RWDD1: variants seen among roughly 807,000 people sequenced by gnomAD.
RWDD1 encodes RWD domain containing 1.
RWDD1 carries 17 observed loss-of-function variants against 31.6 expected under a neutral mutation model. That is an observed-to-expected ratio of 0.54 (90% confidence interval 0.37 to 0.81). The LOEUF is 0.81. Ranked by LOEUF, RWDD1 falls within the 30% of genes least tolerant of loss-of-function variation. RWDD1 has a pLI of 0.00. For missense variants in RWDD1, 204 were observed against 274.5 expected, an observed-to-expected ratio of 0.74 and a Z score of 1.82; for synonymous variants, 78 against 94.2, an observed-to-expected ratio of 0.83 and a Z score of 0.99.
chr6:116,574,747 C>T (rs1364995870), intron 1 of RWDD1, among the ~76,000 whole-genome samples: 1 of 147,168 alleles, frequency 6.8e-6, no homozygotes, highest in Non-Finnish European at 1.5e-5. Flanking sequence ...TTCCTTCCAC[C>T]TCCCCTCCCC....
chr6:116,577,183 A>G (rs1774861682), intron 1 of RWDD1, among the ~76,000 whole-genome samples: 1 of 152,216 alleles, frequency 6.6e-6, no homozygotes, highest in Non-Finnish European at 1.5e-5. Flanking sequence ...GCAGGTAACA[A>G]TGTGATAAAA....
intron 5 of RWDD1, 67 bp downstream of exon 5, chr6:116,590,471 A>T: frequency 3.4e-6 from 5 of 1,483,470 alleles, no homozygotes; most frequent in Non-Finnish European, 4.5e-6. Flanking sequence ...TAGCAAGAGG[A>T]TCATTTGGTC....
At chr6:116,587,491 G>A (rs1448337465) in intron 3 of RWDD1, among the ~76,000 whole-genome samples, 2 of 152,076 alleles carry the variant, frequency 1.3e-5, no homozygotes, top group African/African-American at 4.8e-5. Context: ...GGTGATAAGT[G>A]GTGTAACTAA....
intron 2 of RWDD1, 124 bp downstream of exon 2, chr6:116,580,484 A>C: frequency 1.9e-6 from 1 of 517,900 alleles, no homozygotes; most frequent in East Asian, 3.2e-5. Flanking sequence ...TCTGCTATGA[A>C]TGTTGTATAT....
In RWDD1 at chr6:116,571,592, T is replaced by A. The variant is rs751392940; in HGVS notation, c.10T>A (p.Tyr4Asn). 11 of 1,613,466 alleles carry A rather than the reference T, an allele frequency of 6.8e-6. No homozygotes were observed. In the Admixed American group the frequency reaches 1.7e-4, roughly 24 times the overall value. MTD[Y>N]GEEQRNELEA... Reference sequence around the variant, plus strand: ...AAGAGCAAGGGCCACGATGACAGATTACGGCGAGGAGCAGCGCAACGAGCT... The same window carrying A: ...AAGAGCAAGGGCCACGATGACAGATAACGGCGAGGAGCAGCGCAACGAGCT... Residue 4 changes from tyrosine to asparagine, a missense_variant, in exon 1 of 7, where the codon TAC (tyrosine) becomes AAC (asparagine). Tyr to Asn is a moderately radical substitution (Grantham distance 143, BLOSUM62 -2). Transcript: ENST00000466444.
At chr6:116,583,110 AAGGACTAC>A (rs1243671598) in intron 2 of RWDD1, among the ~76,000 whole-genome samples, 6 of 151,852 alleles carry the variant, frequency 4.0e-5, no homozygotes, top group African/African-American at 1.5e-4. Context: ...CCCAGATAGC[AAGGACTAC>A]AGGCACATGC....
At chr6:116,588,377 C>G (rs530794673) in intron 3 of RWDD1, among the ~76,000 whole-genome samples, 6 of 151,664 alleles carry the variant, frequency 4.0e-5, no homozygotes, top group Non-Finnish European at 7.4e-5. Flanking sequence ...TTCATGAGTT[C>G]GAGATTTTTT....
At chr6:116,580,218 T>G in intron 1 of RWDD1, 77 bp from the exon 2 acceptor site, 1 of 966,220 alleles carries the variant, frequency 1.0e-6, no homozygotes, top group Non-Finnish European at 1.6e-6. Context: ...TAGGACTGGG[T>G]ACTGATAATT....
At chr6:116,587,563 T>G (rs1583334906) in intron 3 of RWDD1, among the ~76,000 whole-genome samples, 2 of 152,126 alleles carry the variant, frequency 1.3e-5, no homozygotes, top group Non-Finnish European at 2.9e-5. Flanking sequence ...TTGGTCCTGA[T>G]TGGTTTGCGA....
chr6:116,584,521 G>A (rs1251885225), intron 2 of RWDD1, among the ~76,000 whole-genome samples: 1 of 152,210 alleles, frequency 6.6e-6, no homozygotes, highest in African/African-American at 2.4e-5. Context: ...TGCTTCACGT[G>A]TAAGTGTGAT....
rs747539930 is a variant in RWDD1 at position 116,594,504 on chromosome 6, A to G, written c.*1403A>G. The stretch of plus-strand genomic sequence containing the variant: ...GTTCTACAGATTATTCTGATGCACA[A>G]TCTGGGTTAAGAACCACTGTCCTGT... On this transcript the variant is annotated 3_prime_UTR_variant, in exon 7 of 7. Coordinates refer to ENST00000466444, the MANE Select transcript of RWDD1 (RefSeq NM_015952.4). The G allele has an allele frequency of 1.3e-5, 2 of 152,174 alleles. No homozygotes were observed. The highest frequency in any genetic ancestry group is 2.4e-5 in the African/African-American group (1 of 41,432). 9.4% of individuals were successfully genotyped at this position (152,174 alleles called of 1,614,324 possible).
At chr6:116,583,283 C>T (rs1359181437) in intron 2 of RWDD1, among the ~76,000 whole-genome samples, 1 of 152,094 alleles carries the variant, frequency 6.6e-6, no homozygotes, top group Non-Finnish European at 1.5e-5. Flanking sequence ...GGCCATGTTC[C>T]ATTTTCCTTT....
In RWDD1 at chr6:116,572,139, A is replaced by C. The variant is rs1774749285; in HGVS notation, c.73+484A>C. ...GTTTTGAGAGTAGCATAGTCCCTGA[A>C]GTCTGTCGGGTTTCTTTTCTTATGA... On this transcript the variant is annotated intron_variant, in intron 1 of 6. Coordinates refer to ENST00000466444, the MANE Select transcript of RWDD1 (RefSeq NM_015952.4). 1.4e-5 allele frequency among the ~76,000 whole-genome samples: 2 copies of C among 145,076 alleles called. 1 individual carries two copies. The highest frequency in any genetic ancestry group is 4.5e-4 in the South Asian group (2 of 4,446).
chr6:116,584,753 T>C lies in RWDD1; in HGVS notation c.166T>C (p.Tyr56His), dbSNP rs576266834. The change falls in exon 3 of 7, where the codon TAC becomes CAC. Residue 56 changes from tyrosine to histidine, a missense_variant. Transcript: ENST00000466444. Reference protein sequence around the residue: ...ETVQTTLKFTYSEKYPDEAPL... With the variant: ...ETVQTTLKFTHSEKYPDEAPL... ...TGTCCAGACTACCCTCAAGTTTACA[T>C]ACAGTGAAAAATACCCAGATGAAGC... 6.1e-5 allele frequency: 99 copies of C among 1,610,800 alleles called. No homozygotes were observed. In the South Asian group the frequency reaches 1.0e-3, roughly 17 times the overall value.
At chr6:116,577,021 C>T (rs1412813425) in intron 1 of RWDD1, among the ~76,000 whole-genome samples, 1 of 152,154 alleles carries the variant, frequency 6.6e-6, no homozygotes, top group African/African-American at 2.4e-5. Context: ...TAGACACTGC[C>T]ACATCAGACT....
intron 1 of RWDD1, among the ~76,000 whole-genome samples, chr6:116,573,386 A>C (rs1334947433): frequency 6.6e-6 from 1 of 152,204 alleles, no homozygotes; most frequent in Admixed American, 6.5e-5. Context: ...CAATTTATGA[A>C]TCTTTTGATG....
chr6:116,583,533 T>TAC lies in RWDD1; in HGVS notation c.140-1176_140-1175dup, dbSNP rs140684945. Reference sequence around the variant, plus strand: ...GGTGATCTTAAGTGTTCTCACCACATACACACACACACACACACAAATCAT... The same window carrying TAC: ...GGTGATCTTAAGTGTTCTCACCACATACACACACACACACACACACAAATCAT... On this transcript the variant is annotated intron_variant, in intron 2 of 6. Transcript: ENST00000466444. 5.0e-3 allele frequency among the ~76,000 whole-genome samples: 751 copies of TAC among 149,978 alleles called. 3 individuals are homozygous for TAC. Among genetic ancestry groups the TAC allele is most frequent in the African/African-American group, 5.2e-3 (214 of 40,956 alleles).
chr6:116,577,516 A>G lies in RWDD1; in HGVS notation c.74-2779A>G, dbSNP rs532685104. 2.0e-4 allele frequency among the ~76,000 whole-genome samples: 31 copies of G among 151,514 alleles called. 1 individual carries two copies. Among genetic ancestry groups the G allele is most frequent in the African/African-American group, 6.8e-4 (28 of 41,410 alleles). On this transcript the variant is annotated intron_variant, in intron 1 of 6. Coordinates refer to ENST00000466444, the MANE Select transcript of RWDD1 (RefSeq NM_015952.4). ...TCGCCCATTTCTGATTGCATGTTCA[A>G]CACTTCTAACTGAAAGTCCTAAAGT...
chr6:116,590,599 A>G (rs542672992), intron 5 of RWDD1, among the ~76,000 whole-genome samples, 195 bp downstream of exon 5: 7 of 152,312 alleles, frequency 4.6e-5, no homozygotes, highest in African/African-American at 1.7e-4. Context: ...TATCTTTGAT[A>G]TAAGTATTAT....
Sources: gnomAD v4.1 joint callset for allele counts (sites outside exome capture counted in the v4.1 genomes callset) on GRCh38, gnomAD v4.1.1 for gene constraint, MANE v1.5 for transcripts, NCBI Gene and HGNC (gene_info 2026-07-23, HGNC 2026-07-21) for gene names.